The following ASTN2 variants were observed in gnomAD, a reference collection of about 807,000 sequenced individuals.
ASTN2 encodes astrotactin-2.
In ASTN2, 54 loss-of-function variants were observed where a neutral mutation model predicts 139.8. That is an observed-to-expected ratio of 0.39 (90% CI 0.31 to 0.48). The LOEUF (loss-of-function observed/expected upper bound fraction) is 0.48, where lower values mean the gene tolerates loss of function less well. Ranked by LOEUF, ASTN2 falls within the 20% of genes least tolerant of loss-of-function variation. The pLI is 0.95. For missense variants in ASTN2, 1,565 were observed against 1,725.1 expected, an observed-to-expected ratio of 0.91 and a Z score of 1.64; for synonymous variants, 756 against 719.5, an observed-to-expected ratio of 1.05 and a Z score of -0.81.
chr9:116,543,255 C>G (rs775567015), intron 19 of ASTN2, among the ~76,000 whole-genome samples: 11 of 142,752 alleles, frequency 7.7e-5, no homozygotes, highest in Non-Finnish European at 1.4e-4. Flanking sequence ...ATAACAAAAC[C>G]CTATCTGTAT....
intron 6 of ASTN2, among the ~76,000 whole-genome samples, chr9:117,030,005 G>A (rs2132631719): frequency 7.0e-6 from 1 of 143,130 alleles, no homozygotes; most frequent in Non-Finnish European, 1.6e-5. Context: ...GGGAGTATTA[G>A]CATGTTTTTA....
intron 6 of ASTN2, among the ~76,000 whole-genome samples, chr9:117,023,526 C>T (rs1219178072): frequency 6.6e-6 from 1 of 152,138 alleles, no homozygotes; most frequent in Non-Finnish European, 1.5e-5. Context: ...CTCACAGCCA[C>T]TCTCACCTGT....
intron 10 of ASTN2, among the ~76,000 whole-genome samples, chr9:116,941,787 GT>G (rs1835237922): frequency 6.6e-6 from 1 of 152,064 alleles, no homozygotes; most frequent in Admixed American, 6.6e-5. Context: ...GCTGATCATT[GT>G]TTTTTCATTA....
intron 16 of ASTN2, among the ~76,000 whole-genome samples, chr9:116,691,054 G>T (rs1182087926): frequency 5.3e-5 from 8 of 152,082 alleles, no homozygotes; most frequent in Admixed American, 3.3e-4. Context: ...CAAGTAGCTG[G>T]GACCACAAGT....
intron 10 of ASTN2, among the ~76,000 whole-genome samples, chr9:116,951,643 G>T (rs955664151): frequency 6.6e-6 from 1 of 152,100 alleles, no homozygotes; most frequent in Non-Finnish European, 1.5e-5. Flanking sequence ...AGGAGAGGGT[G>T]GTATTGGTAT....
At chr9:117,270,599 T>C (rs1191128735) in intron 2 of ASTN2, among the ~76,000 whole-genome samples, 1 of 152,212 alleles carries the variant, frequency 6.6e-6, no homozygotes, top group Non-Finnish European at 1.5e-5. Context: ...CCCCTGTACC[T>C]GGCATAAGGA....
At chr9:117,293,432 G>C (rs1275268812) in intron 1 of ASTN2, among the ~76,000 whole-genome samples, 1 of 129,838 alleles carries the variant, frequency 7.7e-6, no homozygotes, top group Non-Finnish European at 1.8e-5. Flanking sequence ...AGACAAAGTG[G>C]TGAGAACATA....
chr9:116,964,792 A>C (rs1835970357), intron 10 of ASTN2, among the ~76,000 whole-genome samples: 1 of 152,198 alleles, frequency 6.6e-6, no homozygotes, highest in Non-Finnish European at 1.5e-5. Context: ...CAAGCCAGAA[A>C]TTTATTTCAG....
intron 5 of ASTN2, among the ~76,000 whole-genome samples, chr9:117,086,757 T>A (rs952603104): frequency 2.6e-5 from 4 of 152,120 alleles, no homozygotes; most frequent in African/African-American, 4.8e-5. Context: ...AATAACCAGA[T>A]AAACCCACCC....
intron 19 of ASTN2, among the ~76,000 whole-genome samples, chr9:116,522,212 A>G (rs996830172): frequency 6.6e-6 from 1 of 152,304 alleles, no homozygotes; most frequent in African/African-American, 2.4e-5. Flanking sequence ...ATACTTGCAC[A>G]TACATGTTTA....
intron 1 of ASTN2, among the ~76,000 whole-genome samples, chr9:117,383,200 C>G (rs1463337868): frequency 6.6e-6 from 1 of 152,122 alleles, no homozygotes; most frequent in Non-Finnish European, 1.5e-5. Flanking sequence ...CAAATGTAAA[C>G]ACCATTCTTT....
At chr9:116,443,499 G>T (rs1464516497) in intron 20 of ASTN2, among the ~76,000 whole-genome samples, 1 of 152,056 alleles carries the variant, frequency 6.6e-6, no homozygotes, top group East Asian at 1.9e-4. Flanking sequence ...GGCCTTAGAA[G>T]GAAAGAACAG....
intron 7 of ASTN2, among the ~76,000 whole-genome samples, chr9:116,981,944 T>C (rs1005092744): frequency 6.6e-6 from 1 of 152,234 alleles, no homozygotes; most frequent in Non-Finnish European, 1.5e-5. Flanking sequence ...AGATGAGTTG[T>C]GTTGGTTTTA....
intron 13 of ASTN2, among the ~76,000 whole-genome samples, chr9:116,801,152 G>A (rs540989321): frequency 6.6e-6 from 1 of 152,268 alleles, no homozygotes; most frequent in East Asian, 1.9e-4. Context: ...CTTAGAGGAG[G>A]GAGGAAAGGA....
chr9:116,791,983 T>C (rs752950426), intron 13 of ASTN2, among the ~76,000 whole-genome samples: 23 of 152,158 alleles, frequency 1.5e-4, no homozygotes, highest in African/African-American at 5.6e-4. Context: ...TGGAGAACAT[T>C]TGAAATATAC....
intron 1 of ASTN2, among the ~76,000 whole-genome samples, chr9:117,403,187 G>A (rs1279182538): frequency 6.6e-6 from 1 of 152,182 alleles, no homozygotes; most frequent in Non-Finnish European, 1.5e-5. Flanking sequence ...GAGGTCTACC[G>A]TGATTCTGAT....
intron 19 of ASTN2, among the ~76,000 whole-genome samples, chr9:116,555,724 C>A (rs1258792152): frequency 6.6e-6 from 1 of 152,092 alleles, no homozygotes; most frequent in Admixed American, 6.6e-5. Flanking sequence ...ATGGGGTCAG[C>A]TGAACTAAAC....
In ASTN2 at chr9:117,414,278, G is replaced by A. The variant is rs1831259207; in HGVS notation, c.442+219C>T. 6.6e-6 allele frequency among the ~76,000 whole-genome samples: 1 copy of A among 152,144 alleles called. No individual in the cohort carries two copies. The highest frequency in any genetic ancestry group is 1.5e-5 in the Non-Finnish European group (1 of 68,018). ...AGGGGCAGGTTCCCACTGCGGGAGG[G>A]TTGGCACGCCCCCAGGCTCCCGCCG... On this transcript the variant is annotated intron_variant, in intron 1 of 22. Transcript: ENST00000313400. The surrounding 1 kb of genome is among the most constrained non-coding windows in gnomAD (Gnocchi z 4.2).
intron 13 of ASTN2, among the ~76,000 whole-genome samples, chr9:116,756,471 A>G (rs1829534815): frequency 6.6e-6 from 1 of 152,208 alleles, no homozygotes; most frequent in South Asian, 2.1e-4. Flanking sequence ...AATAAGTAAT[A>G]TTAATGATTT....
Sources: gnomAD v4.1 joint callset for allele counts (sites outside exome capture counted in the v4.1 genomes callset) on GRCh38, gnomAD v4.1.1 for gene constraint, Gnocchi (gnomAD v3.1) non-coding constraint, MANE v1.5 for transcripts, NCBI Gene and HGNC (gene_info 2026-07-23, HGNC 2026-07-21) for gene names.